Variants in MDGA2 observed in about 807,000 individuals in gnomAD.
MDGA2 encodes MAM domain-containing glycosylphosphatidylinositol anchor protein 2.
A neutral mutation model predicts 117.8 loss-of-function variants in MDGA2; 40 were observed. That is an observed-to-expected ratio of 0.34 (90% CI 0.26 to 0.44). MDGA2 has a LOEUF of 0.44. MDGA2 is among the 20% of genes least tolerant of loss of function. The pLI, the probability that MDGA2 is intolerant of heterozygous loss-of-function variation, is 1.00. For synonymous variants in MDGA2, 452 were observed against 439.0 expected, an observed-to-expected ratio of 1.03 and a Z score of -0.37; for missense variants, 1,123 against 1,250.6, an observed-to-expected ratio of 0.90 and a Z score of 1.54.
chr14:47,429,769 A>G (rs969507279), intron 1 of MDGA2, among the ~76,000 whole-genome samples: 1 of 151,928 alleles, frequency 6.6e-6, no homozygotes, highest in Admixed American at 6.6e-5. Context: ...GGTGAAAAAG[A>G]GAAACAAGAT....
rs765716170 is a variant in MDGA2, at chr14:46,854,882, T to C, written c.2883+142A>G. On this transcript the variant is annotated intron_variant, in intron 15 of 16. Transcript: ENST00000399232. ...ATCTTTATAAAACAGCTTTTAGAAC[T>C]AAAGCAAAACCTAATCATATAATTT... The C allele has an allele frequency of 2.0e-5, 14 of 684,528 alleles. No homozygotes were observed. The African/African-American group carries it at 2.4e-4, about 12-fold the overall frequency. The allele number at this position is 684,528 out of a possible 1,614,324, so 42.4% of individuals were successfully genotyped here. A position where few individuals can be genotyped will look rare whatever the true frequency, so the allele number is the denominator to read the frequency against.
intron 8 of MDGA2, among the ~76,000 whole-genome samples, chr14:47,018,733 G>GA (rs60442845): frequency 0.03 from 1,156 of 38,604 alleles, 158 homozygotes; most frequent in Middle Eastern, 0.053. Flanking sequence ...CCATTTTACT[G>GA]AAAAAAAAAA....
At chr14:47,617,500 G>A (rs186742043) in intron 1 of MDGA2, among the ~76,000 whole-genome samples, 12 of 152,158 alleles carry the variant, frequency 7.9e-5, no homozygotes, top group East Asian at 5.8e-4. Flanking sequence ...CACCGCACCC[G>A]GCCTATTAGT....
intron 1 of MDGA2, among the ~76,000 whole-genome samples, chr14:47,319,798 T>C (rs1237415589): frequency 6.6e-6 from 1 of 152,178 alleles, no homozygotes; most frequent in African/African-American, 2.4e-5. Flanking sequence ...TCATTTATTA[T>C]AGATGGAATG....
intron 1 of MDGA2, among the ~76,000 whole-genome samples, chr14:47,434,283 T>C (rs1446012236): frequency 6.6e-6 from 1 of 152,142 alleles, no homozygotes. Flanking sequence ...AAAAAGTTAC[T>C]TAAAAACTAT....
intron 1 of MDGA2, among the ~76,000 whole-genome samples, chr14:47,671,638 TAGCAAATATA>T (rs1402000399): frequency 2.0e-5 from 3 of 152,322 alleles, no homozygotes; most frequent in Admixed American, 2.0e-4. Context: ...GCTTTACATG[TAGCAAATATA>T]AGCAAATAAA....
chr14:46,975,043 G>C (rs1224788240), intron 8 of MDGA2, among the ~76,000 whole-genome samples: 1 of 151,912 alleles, frequency 6.6e-6, no homozygotes, highest in African/African-American at 2.4e-5. Context: ...CAAAGAACTT[G>C]AACAGATATT....
At chr14:47,008,179 A>T (rs1031232674) in intron 8 of MDGA2, among the ~76,000 whole-genome samples, 1 of 151,886 alleles carries the variant, frequency 6.6e-6, no homozygotes, top group Non-Finnish European at 1.5e-5. Flanking sequence ...TGTTTTAGAA[A>T]TGTGTATGTT....
chr14:47,393,725 G>A (rs935160626), intron 1 of MDGA2, among the ~76,000 whole-genome samples: 1 of 152,086 alleles, frequency 6.6e-6, no homozygotes, highest in Non-Finnish European at 1.5e-5. Flanking sequence ...TTGATAATCA[G>A]TTAACATTCT....
Position 46,940,757 on chromosome 14 carries a change from A to C in MDGA2, c.2089+16617T>G, listed in dbSNP as rs187994427. Among the ~76,000 whole-genome samples the C allele has an allele frequency of 1.2e-3, 189 of 152,310 alleles. 1 individual carries two copies. The highest frequency in any genetic ancestry group is 4.6e-4 in the Non-Finnish European group (31 of 68,032). ...AACTGATCCAGCGACTCCCAGGCTG[A>C]AAGAACTGAATGTTCAATGGTGTAC... is the stretch of plus-strand genomic sequence containing the variant. On this transcript the variant is annotated intron_variant, in intron 9 of 16. Coordinates refer to ENST00000399232, the MANE Select transcript of MDGA2 (RefSeq NM_001113498.3).
chr14:47,567,985 GC>G (rs1895950677), intron 1 of MDGA2, among the ~76,000 whole-genome samples: 1 of 151,990 alleles, frequency 6.6e-6, no homozygotes, highest in African/African-American at 2.4e-5. Flanking sequence ...TAAGAATCTA[GC>G]CTTACAGGTT....
intron 10 of MDGA2, among the ~76,000 whole-genome samples, chr14:46,916,357 G>T (rs1037961714): frequency 6.6e-6 from 1 of 151,830 alleles, no homozygotes; most frequent in East Asian, 1.9e-4. Context: ...AACTGGCTTC[G>T]AGATCTTGAT....
intron 2 of MDGA2, among the ~76,000 whole-genome samples, chr14:47,249,913 T>C (rs1039727588): frequency 2.0e-5 from 3 of 152,228 alleles, no homozygotes; most frequent in Non-Finnish European, 2.9e-5. Flanking sequence ...ATCTGTAACC[T>C]GTCACTAACA....
rs557228195 is a variant in MDGA2 at position 47,380,214 on chromosome 14, T to C, written c.281-78664A>G. 1.9e-4 allele frequency among the ~76,000 whole-genome samples: 29 copies of C among 152,210 alleles called. No homozygotes were observed. The East Asian group carries it at 3.1e-3, about 16-fold the overall frequency. On this transcript the variant is annotated intron_variant, in intron 1 of 16. Transcript: ENST00000399232. Reference sequence around the variant, plus strand: ...CATACGAGAACCTCTCGGACACATTTAAAGCAGTGTGTAGAGGGAAATTTA... The same window carrying C: ...CATACGAGAACCTCTCGGACACATTCAAAGCAGTGTGTAGAGGGAAATTTA...
At chr14:47,166,663 T>A (rs1313181714) in intron 3 of MDGA2, among the ~76,000 whole-genome samples, 2 of 152,136 alleles carry the variant, frequency 1.3e-5, no homozygotes, top group Non-Finnish European at 2.9e-5. Flanking sequence ...ACTTCTAGTC[T>A]ACAAAGCTTG....
chr14:47,610,399 G>T (rs561532037), intron 1 of MDGA2, among the ~76,000 whole-genome samples: 1 of 151,934 alleles, frequency 6.6e-6, no homozygotes, highest in South Asian at 2.1e-4. Context: ...TGATATGATC[G>T]TTTATCGTGA....
intron 3 of MDGA2, among the ~76,000 whole-genome samples, chr14:47,159,853 T>C (rs899763589): frequency 6.6e-6 from 1 of 152,180 alleles, no homozygotes; most frequent in South Asian, 2.1e-4. Context: ...ATGGAGAATC[T>C]TTTGGTTATT....
At chr14:47,199,477 AC>A (rs1326076149) in intron 3 of MDGA2, among the ~76,000 whole-genome samples, 1 of 152,164 alleles carries the variant, frequency 6.6e-6, no homozygotes, top group East Asian at 1.9e-4. Context: ...AAAACCATAA[AC>A]TTTTATCAGA....
chr14:47,079,222 AATTT>A (rs77809846), intron 6 of MDGA2, among the ~76,000 whole-genome samples: 47,710 of 151,792 alleles, frequency 0.31, 8,177 homozygotes, highest in East Asian at 0.52. Context: ...AAATTAGGGC[AATTT>A]ATTATGTGGA....
Sources: allele counts gnomAD v4.1 joint callset (sites outside exome capture counted in the v4.1 genomes callset), GRCh38; gene constraint gnomAD v4.1.1; transcripts MANE v1.5; gene names NCBI Gene and HGNC (gene_info 2026-07-23, HGNC 2026-07-21).